Variants in MSI2 observed in about 807,000 individuals in gnomAD.
MSI2 encodes RNA-binding protein Musashi homolog 2.
Under a neutral mutation model 45.6 loss-of-function variants are expected in MSI2, and 17 were observed. The observed-to-expected ratio is 0.37, with a 90% CI of 0.26 to 0.56. MSI2 has a LOEUF of 0.56. Among genes scored for constraint, MSI2 ranks in the 20% least tolerant of loss-of-function variants. The probability of loss-of-function intolerance (pLI) is 0.77; values close to 1 mark genes in which losing one functional copy is unlikely to be tolerated. For missense variants in MSI2, 293 were observed against 444.2 expected, an observed-to-expected ratio of 0.66 and a Z score of 3.06; for synonymous variants, 156 against 158.2, an observed-to-expected ratio of 0.99 and a Z score of 0.11.
At chr17:57,448,872 C>T (rs926453037) in intron 6 of MSI2, 1 of 152,278 alleles carries the variant, frequency 6.6e-6, no homozygotes, top group African/African-American at 2.4e-5. Context: ...TCAGCTTCCT[C>T]ATCTGCAAAA....
intron 6 of MSI2, among the ~76,000 whole-genome samples, chr17:57,507,067 A>G (rs897751653): frequency 3.9e-4 from 60 of 151,988 alleles, no homozygotes; most frequent in Non-Finnish European, 1.5e-4. Flanking sequence ...TGTATTTGGT[A>G]TGAAGCTATA....
intron 5 of MSI2, among the ~76,000 whole-genome samples, chr17:57,295,127 C>A (rs1374500370): frequency 6.6e-6 from 1 of 152,186 alleles, no homozygotes; most frequent in East Asian, 1.9e-4. Context: ...CCCTCCAGTG[C>A]AAACTGGGTC....
chr17:57,408,599 G>A (rs538242647), intron 6 of MSI2, among the ~76,000 whole-genome samples: 7 of 152,148 alleles, frequency 4.6e-5, no homozygotes, highest in Non-Finnish European at 4.4e-5. Context: ...GGGTAGGGGC[G>A]GGGGGGCGGT....
downstream of MSI2, chr17:57,685,408 G>A (rs759256103): frequency 6.6e-6 from 1 of 152,222 alleles, no homozygotes; most frequent in African/African-American, 2.4e-5. Context: ...ATGAAGGACA[G>A]TGGCCCTTAG....
chr17:57,631,529 C>T (rs74979928), intron 10 of MSI2: 69 of 430,434 alleles, frequency 1.6e-4, no homozygotes, highest in African/African-American at 1.3e-3. Flanking sequence ...ATAAATGTTC[C>T]TAGAGAAGGC....
intron 5 of MSI2, among the ~76,000 whole-genome samples, chr17:57,342,770 C>T (rs185799882): frequency 3.6e-4 from 55 of 152,316 alleles, no homozygotes; most frequent in Admixed American, 1.2e-3. Context: ...AATACTACTA[C>T]ATGAACTTCG....
At chr17:57,488,812 G>C (rs1016012696) in intron 6 of MSI2, among the ~76,000 whole-genome samples, 3 of 151,098 alleles carry the variant, frequency 2.0e-5, no homozygotes, top group Non-Finnish European at 4.4e-5. Flanking sequence ...CAACAAGAGT[G>C]AAACTCCGTC....
intron 5 of MSI2, among the ~76,000 whole-genome samples, chr17:57,345,016 T>C (rs1915487515): frequency 6.6e-6 from 1 of 152,240 alleles, no homozygotes; most frequent in South Asian, 2.1e-4. Context: ...TGAGCCGAGA[T>C]TGTGCCACTG....
chr17:57,409,097 C>T (rs1339406180), intron 6 of MSI2, among the ~76,000 whole-genome samples: 1 of 152,156 alleles, frequency 6.6e-6, no homozygotes, highest in Non-Finnish European at 1.5e-5. Context: ...GGCTGCCAAT[C>T]TGTACTTTAT....
In MSI2 at chr17:57,612,011, A is replaced by G. The variant is rs1285114339; in HGVS notation, c.538-3959A>G. ...GACCAGATAGCCTAAGTACATGACT[A>G]GAACCGAAAAGATAGACCACTTTTT... is the stretch of plus-strand genomic sequence containing the variant. On this transcript the variant is annotated intron_variant, in intron 8 of 13. Transcript: ENST00000284073. 4.2e-5 allele frequency among the ~76,000 whole-genome samples: 4 copies of G among 96,144 alleles called. 1 individual carries two copies. The South Asian group carries it at 1.5e-3, about 36-fold the overall frequency. 63.1% of individuals were successfully genotyped at this position (96,144 alleles called of 152,430 possible).
Position 57,256,545 on chromosome 17 carries a change from T to A in MSI2, c.-198T>A. On this transcript the variant is annotated 5_prime_UTR_variant, in exon 1 of 14. Coordinates refer to ENST00000284073, the MANE Select transcript of MSI2 (RefSeq NM_138962.4). ...GGTGTGCGAGGCAGCGGGGCTGAGC[T>A]AAGCCGAGCCCACGTGTGACGGCTC... is the stretch of plus-strand genomic sequence containing the variant. The A allele has an allele frequency of 3.5e-6, 1 of 282,650 alleles. No homozygotes were observed. Among genetic ancestry groups the A allele is most frequent in the Non-Finnish European group, 6.2e-6 (1 of 161,974 alleles). 17.5% of individuals were successfully genotyped at this position (282,650 alleles called of 1,614,324 possible). A position where few individuals can be genotyped will look rare whatever the true frequency, so the allele number is the denominator to read the frequency against.
intron 5 of MSI2, among the ~76,000 whole-genome samples, chr17:57,337,384 G>C (rs1914763702): frequency 6.6e-6 from 1 of 152,146 alleles, no homozygotes; most frequent in South Asian, 2.1e-4. Flanking sequence ...TGATGGCATT[G>C]GTGTGGTCCA....
intron 5 of MSI2, chr17:57,274,142 T>G (rs1407537072): frequency 2.6e-5 from 4 of 152,222 alleles, no homozygotes; most frequent in African/African-American, 4.8e-5. Flanking sequence ...GGCCGGGGCC[T>G]GAGAATATGG....
intron 10 of MSI2, chr17:57,632,536 G>A (rs1294847183): frequency 1.9e-6 from 2 of 1,067,060 alleles, no homozygotes. Context: ...CTCCCTGCCT[G>A]TGCTGGCCTG....
downstream of MSI2, among the ~76,000 whole-genome samples, chr17:57,686,936 G>A (rs1003328500): frequency 6.6e-5 from 10 of 151,732 alleles, no homozygotes; most frequent in African/African-American, 1.9e-4. Flanking sequence ...ATGGCTCTTC[G>A]AATAGAGTTT....
At chr17:57,281,023 C>T (rs911865787) in intron 5 of MSI2, among the ~76,000 whole-genome samples, 5 of 152,120 alleles carry the variant, frequency 3.3e-5, no homozygotes, top group African/African-American at 1.2e-4. Context: ...GGTGCTCTTG[C>T]AGTCTTGTCG....
intron 6 of MSI2, among the ~76,000 whole-genome samples, chr17:57,513,370 A>G (rs968237578): frequency 2.6e-5 from 4 of 152,152 alleles, no homozygotes; most frequent in Non-Finnish European, 4.4e-5. Flanking sequence ...AATCTGCCCA[A>G]TGTCACACAG....
intron 7 of MSI2, among the ~76,000 whole-genome samples, chr17:57,572,530 C>CTG (rs2087905092): frequency 6.6e-6 from 1 of 152,236 alleles, no homozygotes; most frequent in Non-Finnish European, 1.5e-5. Context: ...TCAAGATATT[C>CTG]TGTGTCTGCT....
chr17:57,535,516 AG>A (rs1455543031), intron 7 of MSI2, among the ~76,000 whole-genome samples: 8 of 152,216 alleles, frequency 5.3e-5, no homozygotes, highest in African/African-American at 1.4e-4. Context: ...AGAGAAATAA[AG>A]ATTAGTGTGA....
Sources: allele counts gnomAD v4.1 joint callset (sites outside exome capture counted in the v4.1 genomes callset), GRCh38; gene constraint gnomAD v4.1.1; transcripts MANE v1.5; gene names NCBI Gene and HGNC (gene_info 2026-07-23, HGNC 2026-07-21).